Variants in CADPS observed in about 807,000 individuals in gnomAD.
The protein encoded by CADPS is calcium dependent secretion activator.
CADPS carries 57 observed loss-of-function variants against 167.3 expected under a neutral mutation model. That is an observed-to-expected ratio of 0.34 (90% CI 0.28 to 0.42). The LOEUF (loss-of-function observed/expected upper bound fraction) is 0.42, where lower values mean the gene tolerates loss of function less well. CADPS is among the 20% of genes least tolerant of loss of function. The pLI is 1.00. For missense variants in CADPS, 1,414 were observed against 1,738.1 expected (o/e 0.81, Z 3.32); for synonymous variants, 676 against 635.3 (o/e 1.06, Z -0.96).
chr3:62,610,044 G>C (rs539993408), intron 6 of CADPS, among the ~76,000 whole-genome samples: 5 of 152,046 alleles, frequency 3.3e-5, no homozygotes, highest in Non-Finnish European at 5.9e-5. Flanking sequence ...AGTCAAGACT[G>C]AGCCACTGCA....
chr3:62,641,875 A>AT (rs1308759296), intron 6 of CADPS, among the ~76,000 whole-genome samples: 1 of 151,936 alleles, frequency 6.6e-6, no homozygotes, highest in Non-Finnish European at 1.5e-5. Context: ...CACACACACC[A>AT]TTTTTTCCAA....
chr3:62,760,112 G>C (rs2152465049), intron 2 of CADPS, among the ~76,000 whole-genome samples: 1 of 152,118 alleles, frequency 6.6e-6, no homozygotes, highest in Middle Eastern at 3.4e-3. Context: ...TGCCCAGGGA[G>C]TGAATTGATT....
intron 6 of CADPS, among the ~76,000 whole-genome samples, chr3:62,631,364 A>G (rs1208175154): frequency 6.6e-6 from 1 of 152,216 alleles, no homozygotes; most frequent in Non-Finnish European, 1.5e-5. Context: ...AAAATTAGGA[A>G]GAAAGTAACA....
intron 6 of CADPS, among the ~76,000 whole-genome samples, chr3:62,638,268 A>G (rs1226006911): frequency 6.6e-6 from 1 of 152,090 alleles, no homozygotes; most frequent in Non-Finnish European, 1.5e-5. Flanking sequence ...TAAATCAAGT[A>G]TCTGTTATTT....
chr3:62,840,465 T>A (rs913073200), intron 1 of CADPS, among the ~76,000 whole-genome samples: 11 of 152,224 alleles, frequency 7.2e-5, no homozygotes, highest in Admixed American at 7.2e-4. Context: ...CTTTCAATCA[T>A]ATAAATGAAA....
chr3:62,491,593 G>T, intron 20 of CADPS, 113 bp from the exon 21 acceptor site: 1 of 803,504 alleles, frequency 1.2e-6, no homozygotes, highest in Non-Finnish European at 1.9e-6. Context: ...ACAGATGATT[G>T]ATTGTCTTCT....
intron 28 of CADPS, among the ~76,000 whole-genome samples, chr3:62,408,556 C>T (rs2048338732): frequency 6.6e-6 from 1 of 152,124 alleles, no homozygotes; most frequent in Non-Finnish European, 1.5e-5. Context: ...AGAAAATGGG[C>T]TTTCATTTAA....
chr3:62,451,927 C>A (rs2058108938), intron 26 of CADPS, among the ~76,000 whole-genome samples: 1 of 152,154 alleles, frequency 6.6e-6, no homozygotes, highest in African/African-American at 2.4e-5. Context: ...TGCCTAAAAT[C>A]ATTTCGTCTC....
At chr3:62,839,297 C>T (rs916091158) in intron 1 of CADPS, among the ~76,000 whole-genome samples, 2 of 152,006 alleles carry the variant, frequency 1.3e-5, no homozygotes, top group Non-Finnish European at 2.9e-5. Context: ...CGGGTTTAAG[C>T]GATTATCCTG....
At chr3:62,626,624 C>CT (rs2064143733) in intron 6 of CADPS, 5 of 698,236 alleles carry the variant, frequency 7.2e-6, no homozygotes, top group South Asian at 1.5e-5. Flanking sequence ...TTTGCTAAGC[C>CT]TTTTTTGTTG....
At position 62,813,459 on chromosome 3, in the gene CADPS, A is replaced by C. The variant is rs568743173; in HGVS notation, c.442-47475T>G. 7.2e-4 allele frequency among the ~76,000 whole-genome samples: 110 copies of C among 152,226 alleles called. 1 individual carries two copies. Among genetic ancestry groups the C allele is most frequent in the Admixed American group, 1.4e-3 (22 of 15,270 alleles). ...CCCTACATTTTACATATATAAAAAT[A>C]AACTCGAGATGTATTAAAGACTTAA... On this transcript the variant is annotated intron_variant, in intron 1 of 29. Coordinates refer to ENST00000383710, the MANE Select transcript of CADPS (RefSeq NM_003716.4).
At chr3:62,748,608 C>T (rs2082053097) in intron 3 of CADPS, among the ~76,000 whole-genome samples, 5 of 152,106 alleles carry the variant, frequency 3.3e-5, no homozygotes, top group Admixed American at 2.0e-4. Context: ...ATCATATCGT[C>T]ATCATCATCA....
chr3:62,730,189 C>A (rs888624584), intron 3 of CADPS, among the ~76,000 whole-genome samples: 34 of 149,446 alleles, frequency 2.3e-4, no homozygotes, highest in African/African-American at 8.7e-4. Flanking sequence ...TCTGGCCTAT[C>A]CTGACTGACG....
chr3:62,498,000 A>G, intron 18 of CADPS: 2 of 400,900 alleles, frequency 5.0e-6, no homozygotes, highest in Admixed American at 5.7e-5. Context: ...TTCCACAAGC[A>G]GTCCACTGGA....
At chr3:62,611,442 A>G (rs2061489309) in intron 6 of CADPS, among the ~76,000 whole-genome samples, 1 of 152,076 alleles carries the variant, frequency 6.6e-6, no homozygotes, top group Non-Finnish European at 1.5e-5. Context: ...TTGCTTTTCT[A>G]CATTTGCCCT....
At position 62,651,027 on chromosome 3, in the gene CADPS, C is replaced by T; in HGVS notation, c.1023G>A (p.Glu341=). 6.2e-7 allele frequency: 1 copy of T among 1,614,112 alleles called. No homozygotes were observed. The change falls in exon 5 of 30, where the codon GAG becomes GAA. Residue 341 remains glutamate (E), a synonymous_variant. Coordinates refer to ENST00000383710, the MANE Select transcript of CADPS (RefSeq NM_003716.4). ...VSKEMENMYI[E]ELKSSVNLLM... ...GCAGGTTGACAGATGACTTCAGCTCCTCAATGTACATGTTTTCCATTTCTT... is the reference window on the plus strand; with the variant it reads ...GCAGGTTGACAGATGACTTCAGCTCTTCAATGTACATGTTTTCCATTTCTT...
In CADPS at chr3:62,871,644, C is replaced by T. The variant is rs140959636; in HGVS notation, c.441+2945G>A. ...TTTCCAAGTCTCAGTTTTTTAAAAA[C>T]GAGGATGGCAATTTGTACATTGTTA... On this transcript the variant is annotated intron_variant, in intron 1 of 29. Coordinates refer to ENST00000383710, the MANE Select transcript of CADPS (RefSeq NM_003716.4). 1.1e-3 allele frequency among the ~76,000 whole-genome samples: 169 copies of T among 152,050 alleles called. 1 individual carries two copies. Among genetic ancestry groups the T allele is most frequent in the Middle Eastern group, 0.01 (3 of 294 alleles).
intron 6 of CADPS, among the ~76,000 whole-genome samples, chr3:62,603,767 G>C (rs552780891): frequency 6.6e-6 from 1 of 151,790 alleles, no homozygotes; most frequent in Non-Finnish European, 1.5e-5. Context: ...ATACATTCTT[G>C]GTCTGATAAT....
intron 3 of CADPS, among the ~76,000 whole-genome samples, chr3:62,703,752 A>G (rs1197323190): frequency 6.6e-6 from 1 of 152,198 alleles, no homozygotes; most frequent in Non-Finnish European, 1.5e-5. Context: ...AAGGCAAATC[A>G]TGCTGAGATG....
Sources: gnomAD v4.1 joint callset for allele counts (sites outside exome capture counted in the v4.1 genomes callset) on GRCh38, gnomAD v4.1.1 for gene constraint, MANE v1.5 for transcripts, NCBI Gene and HGNC (gene_info 2026-07-23, HGNC 2026-07-21) for gene names.